The following TTC28 variants were observed in gnomAD, a reference collection of about 807,000 sequenced individuals.
TTC28 encodes tetratricopeptide repeat domain 28.
A neutral mutation model predicts 198.0 loss-of-function variants in TTC28; 61 were observed. That is an observed-to-expected ratio of 0.31 (90% CI 0.25 to 0.38). The LOEUF (loss-of-function observed/expected upper bound fraction) is 0.38, where lower values mean the gene tolerates loss of function less well. TTC28 is among the 10% of genes least tolerant of loss of function. The probability of loss-of-function intolerance (pLI) is 1.00; values close to 1 mark genes in which losing one functional copy is unlikely to be tolerated. For synonymous variants in TTC28, 1,171 were observed against 1,297.8 expected (o/e 0.90, Z 2.10); for missense variants, 2,678 against 3,164.0 (o/e 0.85, Z 3.69).
intron 2 of TTC28, among the ~76,000 whole-genome samples, chr22:28,312,635 C>T (rs1435733901): frequency 1.3e-5 from 2 of 152,118 alleles, no homozygotes; most frequent in African/African-American, 4.8e-5. Context: ...AAAATGAAGG[C>T]AGAAATAAAG....
At chr22:27,984,524 G>A (rs1340526712) in intron 22 of TTC28, among the ~76,000 whole-genome samples, 1 of 151,536 alleles carries the variant, frequency 6.6e-6, no homozygotes, top group Non-Finnish European at 1.5e-5. Context: ...CTTCCCCTCC[G>A]ACCCGCATGC....
rs902246153 is a variant in TTC28 at position 28,005,002 on chromosome 22, G to A, written c.4219-3449C>T. Among the ~76,000 whole-genome samples, 1 of 152,186 alleles carries A rather than the reference G, an allele frequency of 6.6e-6. No homozygotes were observed. Among genetic ancestry groups the A allele is most frequent in the Non-Finnish European group, 1.5e-5 (1 of 68,038 alleles). On this transcript the variant is annotated intron_variant, in intron 14 of 22. Coordinates refer to ENST00000397906, the MANE Select transcript of TTC28 (RefSeq NM_001145418.2). This position sits in a 1 kb window ranked among gnomAD's most constrained non-coding sequence, Gnocchi z 4.9. Reference sequence around the variant, plus strand: ...AAGTGGCTCACGCACCAGCCTTACAGCAGCAACTACCAGAGTCTCCAACAG... The same window carrying A: ...AAGTGGCTCACGCACCAGCCTTACAACAGCAACTACCAGAGTCTCCAACAG...
At chr22:28,139,408 A>G (rs1283476693) in intron 6 of TTC28, among the ~76,000 whole-genome samples, 1 of 152,224 alleles carries the variant, frequency 6.6e-6, no homozygotes, top group Non-Finnish European at 1.5e-5. Flanking sequence ...CACAGTAACA[A>G]GGATAGGATG....
intron 5 of TTC28, among the ~76,000 whole-genome samples, chr22:28,209,495 C>A (rs756751336): frequency 2.0e-5 from 3 of 152,216 alleles, no homozygotes. Context: ...TGATATACTG[C>A]GCCTGGATCA....
At chr22:28,234,273 C>T (rs1266925816) in intron 5 of TTC28, among the ~76,000 whole-genome samples, 2 of 152,070 alleles carry the variant, frequency 1.3e-5, no homozygotes, top group African/African-American at 2.4e-5. Flanking sequence ...AACTCCTGAG[C>T]TCAGGCAATC....
intron 5 of TTC28, among the ~76,000 whole-genome samples, chr22:28,219,369 C>T (rs1232602693): frequency 6.6e-6 from 1 of 151,976 alleles, no homozygotes; most frequent in Non-Finnish European, 1.5e-5. Flanking sequence ...ATTAGCCAGG[C>T]ATGGTGGCAG....
At chr22:28,501,541 A>G (rs918937326) in intron 2 of TTC28, among the ~76,000 whole-genome samples, 1 of 152,214 alleles carries the variant, frequency 6.6e-6, no homozygotes, top group African/African-American at 2.4e-5. Context: ...ATCTAAGTAA[A>G]GAGAACTTGA....
chr22:28,452,240 A>C (rs1243072491), intron 2 of TTC28, among the ~76,000 whole-genome samples: 2 of 151,964 alleles, frequency 1.3e-5, no homozygotes, highest in Non-Finnish European at 2.9e-5. Context: ...ATACAAAAAA[A>C]TTAGCTGGGC....
intron 12 of TTC28, among the ~76,000 whole-genome samples, chr22:28,039,589 C>A (rs1379090947): frequency 6.6e-6 from 1 of 152,066 alleles, no homozygotes; most frequent in Non-Finnish European, 1.5e-5. Flanking sequence ...TTAATGGGTG[C>A]AGCACACCAA....
intron 5 of TTC28, among the ~76,000 whole-genome samples, chr22:28,230,127 C>T (rs1194076463): frequency 2.0e-5 from 3 of 152,110 alleles, no homozygotes; most frequent in African/African-American, 2.4e-5. Context: ...AGATTCTGAC[C>T]GGCATCACTT....
At chr22:28,381,833 T>C (rs2046501126) in intron 2 of TTC28, among the ~76,000 whole-genome samples, 1 of 152,174 alleles carries the variant, frequency 6.6e-6, no homozygotes, top group Non-Finnish European at 1.5e-5. Flanking sequence ...ATGTTCTATT[T>C]ATATTTCCAA....
intron 5 of TTC28, among the ~76,000 whole-genome samples, chr22:28,227,097 A>G (rs1928404518): frequency 6.6e-6 from 1 of 151,926 alleles, no homozygotes; most frequent in Non-Finnish European, 1.5e-5. Context: ...GCTAATTTTT[A>G]TTTTATTTTT....
chr22:28,189,909 G>A (rs757124626), intron 5 of TTC28, among the ~76,000 whole-genome samples: 4 of 152,170 alleles, frequency 2.6e-5, no homozygotes, highest in Non-Finnish European at 4.4e-5. Flanking sequence ...TTAACTGAGT[G>A]TAGCACTCAG....
intron 2 of TTC28, among the ~76,000 whole-genome samples, chr22:28,336,151 G>C (rs1461500968): frequency 1.3e-5 from 2 of 152,176 alleles, no homozygotes; most frequent in Non-Finnish European, 1.5e-5. Flanking sequence ...TTATTGATTT[G>C]TGTATGCTGA....
chr22:28,370,932 C>G (rs1028840969), intron 2 of TTC28, among the ~76,000 whole-genome samples: 1 of 152,136 alleles, frequency 6.6e-6, no homozygotes, highest in African/African-American at 2.4e-5. Flanking sequence ...AAAGAATATC[C>G]CCAGGTGATT....
chr22:28,546,053 G>T (rs2049534678), intron 2 of TTC28, among the ~76,000 whole-genome samples: 1 of 152,148 alleles, frequency 6.6e-6, no homozygotes, highest in Non-Finnish European at 1.5e-5. Context: ...AAAGCTAGAA[G>T]ACTTATGCTA....
intron 6 of TTC28, among the ~76,000 whole-genome samples, chr22:28,138,767 G>A (rs374221558): frequency 1.3e-5 from 2 of 152,114 alleles, no homozygotes; most frequent in South Asian, 2.1e-4. Context: ...CCTAGGCAGC[G>A]TTTCCTCTCC....
At chr22:28,447,324 CAATT>C (rs1465865400) in intron 2 of TTC28, among the ~76,000 whole-genome samples, 1 of 152,144 alleles carries the variant, frequency 6.6e-6, no homozygotes, top group Non-Finnish European at 1.5e-5. Flanking sequence ...CTAAGCAACT[CAATT>C]GATGTCCTTT....
At chr22:27,995,854 C>T (rs973721193) in intron 17 of TTC28, among the ~76,000 whole-genome samples, 6 of 152,212 alleles carry the variant, frequency 3.9e-5, no homozygotes, top group Non-Finnish European at 8.8e-5. Context: ...GCACCACACA[C>T]CATGCCCACC....
Sources: gnomAD v4.1 joint callset for allele counts (sites outside exome capture counted in the v4.1 genomes callset) on GRCh38, gnomAD v4.1.1 for gene constraint, Gnocchi (gnomAD v3.1) non-coding constraint, MANE v1.5 for transcripts, NCBI Gene and HGNC (gene_info 2026-07-23, HGNC 2026-07-21) for gene names.